CNKSR3: variants seen among roughly 807,000 people sequenced by gnomAD.
CNKSR3 encodes the protein CNKSR family member 3.
In CNKSR3, 36 loss-of-function variants were observed where a neutral mutation model predicts 67.7. The observed-to-expected ratio is 0.53, with a 90% CI of 0.41 to 0.70. The LOEUF is 0.70. Among genes scored for constraint, CNKSR3 ranks in the 30% least tolerant of loss-of-function variants. The pLI is 0.00. For missense variants in CNKSR3, 630 were observed against 695.2 expected (o/e 0.91, Z 1.05); for synonymous variants, 281 against 271.4 (o/e 1.04, Z -0.35).
chr6:154,460,599 A>AAGGGG (rs1398857411), intron 1 of CNKSR3, among the ~76,000 whole-genome samples: 24 of 152,172 alleles, frequency 1.6e-4, no homozygotes, highest in African/African-American at 3.9e-4. Flanking sequence ...TGGACCAAAC[A>AAGGGG]AGGGGAGGGG....
intron 1 of CNKSR3, among the ~76,000 whole-genome samples, chr6:154,486,319 G>A (rs543467591): frequency 6.0e-4 from 88 of 145,938 alleles, no homozygotes; most frequent in South Asian, 2.0e-3. Flanking sequence ...TTTTTTAGAC[G>A]GAGTCTCACT....
intron 1 of CNKSR3, among the ~76,000 whole-genome samples, chr6:154,478,078 G>C (rs527684643): frequency 6.6e-6 from 1 of 152,288 alleles, no homozygotes; most frequent in Non-Finnish European, 1.5e-5. Flanking sequence ...CGGGGCTGCA[G>C]AATGGCACTT....
chr6:154,413,195 C>T (rs1015653408), intron 10 of CNKSR3, among the ~76,000 whole-genome samples: 8 of 149,536 alleles, frequency 5.3e-5, no homozygotes, highest in Non-Finnish European at 1.0e-4. Context: ...ATGTTCATAC[C>T]TACACTCACA....
chr6:154,504,278 C>A (rs967853462), intron 1 of CNKSR3, among the ~76,000 whole-genome samples: 1 of 152,216 alleles, frequency 6.6e-6, no homozygotes, highest in Non-Finnish European at 1.5e-5. Context: ...AAGTTCTGCC[C>A]CGGATCCTCT....
At chr6:154,429,301 G>C (rs1235660463) in intron 6 of CNKSR3, among the ~76,000 whole-genome samples, 1 of 152,134 alleles carries the variant, frequency 6.6e-6, no homozygotes, top group African/African-American at 2.4e-5. Flanking sequence ...GCTAATCTAT[G>C]ATGAGAGCCC....
Position 154,398,547 on chromosome 6 carries a change from G to T in CNKSR3, c.*7807C>A, listed in dbSNP as rs775283458. 6.6e-6 allele frequency: 1 copy of T among 152,070 alleles called. No individual in the cohort carries two copies. Among genetic ancestry groups the T allele is most frequent in the Non-Finnish European group, 1.5e-5 (1 of 68,002 alleles). The allele number at this position is 152,070 out of a possible 1,614,324, so 9.4% of individuals were successfully genotyped here. ...TATTTGTGTAAGAGTTCCTTTTCAC[G>T]ATGAGAATGTCCAAAATAGATACCA... On this transcript the variant is annotated 3_prime_UTR_variant, in exon 13 of 13. Transcript: ENST00000607772.
rs1261246548 is a variant in CNKSR3 at position 154,388,964 on chromosome 6, G to A, written c.*17390C>T. On this transcript the variant is annotated 3_prime_UTR_variant, in exon 13 of 13. Coordinates refer to ENST00000607772, the MANE Select transcript of CNKSR3 (RefSeq NM_173515.4). ...TGGGTTTTTTTTTTTTTGCTATTGA[G>A]TTATGAATTCCTTACATATTTTAGA... 6.7e-6 allele frequency: 1 copy of A among 149,874 alleles called. No individual in the cohort carries two copies. Among genetic ancestry groups the A allele is most frequent in the African/African-American group, 2.5e-5 (1 of 40,662 alleles). 9.3% of individuals were successfully genotyped at this position (149,874 alleles called of 1,614,324 possible). A position where few individuals can be genotyped will look rare whatever the true frequency, so the allele number is the denominator to read the frequency against.
intron 9 of CNKSR3, among the ~76,000 whole-genome samples, chr6:154,418,393 G>A (rs1481380060): frequency 2.0e-5 from 3 of 152,194 alleles, no homozygotes; most frequent in Admixed American, 6.5e-5. Context: ...CTAAGACACC[G>A]CCCTTCCCCG....
chr6:154,445,244 T>C (rs913049982), intron 2 of CNKSR3, among the ~76,000 whole-genome samples: 4 of 152,198 alleles, frequency 2.6e-5, no homozygotes, highest in South Asian at 2.1e-4. Flanking sequence ...TTTCAAAATA[T>C]AAATGAATAT....
chr6:154,491,997 G>C (rs1786791866), intron 1 of CNKSR3, among the ~76,000 whole-genome samples: 1 of 152,134 alleles, frequency 6.6e-6, no homozygotes, highest in Non-Finnish European at 1.5e-5. Context: ...CTCTCCTCCT[G>C]TTTGTTCTTG....
chr6:154,437,914 T>C (rs1288735458), intron 4 of CNKSR3, among the ~76,000 whole-genome samples: 2 of 152,212 alleles, frequency 1.3e-5, no homozygotes, highest in Non-Finnish European at 2.9e-5. Flanking sequence ...CTTTAAACTA[T>C]CAAATTTGAT....
rs1785176886 is a variant in CNKSR3, at chr6:154,422,971, T to G, written c.742A>C (p.Arg248=). 1 of 1,610,818 alleles carries G rather than the reference T, an allele frequency of 6.2e-7. No individual in the cohort carries two copies. Among genetic ancestry groups the G allele is most frequent in the Admixed American group, 1.7e-5 (1 of 59,832 alleles). The change falls in exon 8 of 13, where the codon AGA becomes CGA. Residue 248 remains arginine, a synonymous_variant. Transcript: ENST00000607772. ...TCACCAGCATGAATCTTCTGAGATC[T>G]GTCTGCAGGAGACTGTACAGAAACA... ...TGTTENSPAD[R]SQKIHAGDEV...
intron 1 of CNKSR3, among the ~76,000 whole-genome samples, chr6:154,497,047 T>C (rs1040992483): frequency 6.6e-6 from 1 of 152,100 alleles, no homozygotes; most frequent in Non-Finnish European, 1.5e-5. Context: ...AATGAGATAA[T>C]GCATGGGAAG....
At chr6:154,442,406 A>G (rs1272973933) in intron 2 of CNKSR3, 116 bp from the exon 3 acceptor site, 4 of 788,458 alleles carry the variant, frequency 5.1e-6, no homozygotes, top group African/African-American at 1.8e-5. Context: ...GCGGATCACG[A>G]GGTCAGGAGA....
chr6:154,479,226 A>T (rs1307171799), intron 1 of CNKSR3, among the ~76,000 whole-genome samples: 2 of 119,618 alleles, frequency 1.7e-5, no homozygotes, highest in East Asian at 2.7e-4. Context: ...AGAAAAAAAA[A>T]AAAAATATTC....
chr6:154,470,255 C>T (rs1786299354), intron 1 of CNKSR3, among the ~76,000 whole-genome samples: 2 of 122,788 alleles, frequency 1.6e-5, no homozygotes, highest in South Asian at 5.7e-4. Flanking sequence ...GGCTGGAGTG[C>T]AGTGGTGCAA....
chr6:154,417,811 C>G (rs575191796), intron 9 of CNKSR3, among the ~76,000 whole-genome samples: 84 of 152,234 alleles, frequency 5.5e-4, no homozygotes, highest in African/African-American at 1.9e-3. Context: ...ATGAAGCCAT[C>G]TCCACTGACT....
At chr6:154,438,933 C>A (rs1451651963) in intron 4 of CNKSR3, among the ~76,000 whole-genome samples, 1 of 152,192 alleles carries the variant, frequency 6.6e-6, no homozygotes, top group Admixed American at 6.5e-5. Flanking sequence ...AGGACATGTA[C>A]CTCCTATGGG....
At chr6:154,459,751 A>G (rs1275221966) in intron 1 of CNKSR3, among the ~76,000 whole-genome samples, 3 of 152,274 alleles carry the variant, frequency 2.0e-5, no homozygotes, top group Non-Finnish European at 4.4e-5. Context: ...AGTAGAAGAC[A>G]TATTATTTAA....
Sources: gnomAD v4.1 joint callset for allele counts (sites outside exome capture counted in the v4.1 genomes callset) on GRCh38, gnomAD v4.1.1 for gene constraint, MANE v1.5 for transcripts, NCBI Gene and HGNC (gene_info 2026-07-23, HGNC 2026-07-21) for gene names.